The following PIK3R3 variants were observed in gnomAD, a reference collection of about 807,000 sequenced individuals.
The protein encoded by PIK3R3 is phosphoinositide-3-kinase regulatory subunit 3.
A neutral mutation model predicts 62.9 loss-of-function variants in PIK3R3; 64 were observed. The ratio of observed to expected loss-of-function variants is 1.02; its 90% CI spans 0.83 to 1.25. The LOEUF is 1.25. PIK3R3 is among the 50% of genes most tolerant of loss of function. The pLI is 0.00. For synonymous variants in PIK3R3, 165 were observed against 189.0 expected, an observed-to-expected ratio of 0.87 and a Z score of 1.04; for missense variants, 614 against 561.6, an observed-to-expected ratio of 1.09 and a Z score of -0.94.
intron 1 of PIK3R3, among the ~76,000 whole-genome samples, chr1:46,100,380 G>A (rs931288085): frequency 6.6e-6 from 1 of 151,998 alleles, no homozygotes; most frequent in African/African-American, 2.4e-5. Flanking sequence ...ATCATTTACT[G>A]TTTAGTCAGT....
At chr1:46,092,965 A>G (rs1023689286) in intron 1 of PIK3R3, among the ~76,000 whole-genome samples, 3 of 152,148 alleles carry the variant, frequency 2.0e-5, no homozygotes, top group African/African-American at 7.2e-5. Flanking sequence ...AAAAAGTTAC[A>G]TCATCTTCAA....
chr1:46,075,345 G>A (rs1268399254), intron 3 of PIK3R3, among the ~76,000 whole-genome samples: 2 of 152,236 alleles, frequency 1.3e-5, no homozygotes, highest in Non-Finnish European at 2.9e-5. Flanking sequence ...GCTGGGCACA[G>A]TGGCTCACGC....
At chr1:46,132,831 A>G (rs371822200), upstream of PIK3R3, 3 of 1,215,332 alleles carry the variant, frequency 2.5e-6, no homozygotes, top group East Asian at 1.2e-4. Flanking sequence ...GCTGCTCTCC[A>G]TCTCGACTTT....
chr1:46,055,602 G>A (rs754278449), intron 7 of PIK3R3, among the ~76,000 whole-genome samples, 193 bp downstream of exon 7: 7 of 152,194 alleles, frequency 4.6e-5, no homozygotes, highest in African/African-American at 9.7e-5. Flanking sequence ...ATTCTGGTTT[G>A]CTCCACATAT....
At chr1:46,114,887 T>C (rs1297715421) in intron 1 of PIK3R3, among the ~76,000 whole-genome samples, 1 of 151,260 alleles carries the variant, frequency 6.6e-6, no homozygotes, top group African/African-American at 2.4e-5. Context: ...AGTGCTGGGA[T>C]TACAGGCATG....
At chr1:46,132,865 G>C, upstream of PIK3R3, 1 of 1,195,970 alleles carries the variant, frequency 8.4e-7, no homozygotes, top group Non-Finnish European at 1.1e-6. Context: ...CGCTCTCTAG[G>C]CTTCGGCTCC....
intron 1 of PIK3R3, among the ~76,000 whole-genome samples, chr1:46,095,071 G>A (rs775282860): frequency 6.6e-6 from 1 of 152,074 alleles, no homozygotes; most frequent in Non-Finnish European, 1.5e-5. Flanking sequence ...CTAGAGTGTG[G>A]CGATTCCTCA....
the PIK3R3 span, among the ~76,000 whole-genome samples, chr1:46,148,743 G>GGAGAGAGAGA: frequency 1.4e-5 from 2 of 143,460 alleles, no homozygotes; most frequent in Non-Finnish European, 1.5e-5. Flanking sequence ...CCAAGATTTT[G>GGAGAGAGAGA]GAGAGAGAGA....
the PIK3R3 span, among the ~76,000 whole-genome samples, chr1:46,168,824 G>A: frequency 6.6e-6 from 1 of 152,104 alleles, no homozygotes; most frequent in Non-Finnish European, 1.5e-5. Flanking sequence ...CCCAGAAAGT[G>A]AAGAAGCCCC....
Position 46,044,454 on chromosome 1 carries a change from G to C in PIK3R3, c.1188-583C>G, listed in dbSNP as rs1647059172. Among the ~76,000 whole-genome samples, 1 of 152,140 alleles carries C rather than the reference G, an allele frequency of 6.6e-6. No individual in the cohort carries two copies. ...TACAGGCTGCCACCCAATAACCTGAGTGACAGTGAGCGACTGGGCTTACTG... is the reference window on the plus strand; with the variant it reads ...TACAGGCTGCCACCCAATAACCTGACTGACAGTGAGCGACTGGGCTTACTG... On this transcript the variant is annotated intron_variant, in intron 9 of 9. Coordinates refer to ENST00000262741, the MANE Select transcript of PIK3R3 (RefSeq NM_003629.4). This position sits in a 1 kb window ranked among gnomAD's most constrained non-coding sequence, Gnocchi z 4.2.
upstream of PIK3R3, among the ~76,000 whole-genome samples, chr1:46,135,471 G>A (rs903037991): frequency 1.3e-5 from 2 of 152,172 alleles, no homozygotes; most frequent in African/African-American, 4.8e-5. Flanking sequence ...TGCCACTTAA[G>A]TATTTAGGAT....
At chr1:46,172,514 C>A in the PIK3R3 span, among the ~76,000 whole-genome samples, 3 of 152,076 alleles carry the variant, frequency 2.0e-5, no homozygotes, top group Admixed American at 2.0e-4. Context: ...GCTGGGAGAA[C>A]CTGTTTCTAC....
At chr1:46,159,948 T>C in the PIK3R3 span, among the ~76,000 whole-genome samples, 2 of 152,160 alleles carry the variant, frequency 1.3e-5, no homozygotes, top group Non-Finnish European at 2.9e-5. Flanking sequence ...TCTTCCTGAC[T>C]CCCAGATTCT....
chr1:46,125,283 C>T (rs974412861), intron 1 of PIK3R3, among the ~76,000 whole-genome samples: 8 of 151,708 alleles, frequency 5.3e-5, no homozygotes, highest in African/African-American at 1.9e-4. Flanking sequence ...AATAAGAAGA[C>T]AAAAAAACTG....
chr1:46,067,146 T>C, intron 3 of PIK3R3, 55 bp from the exon 4 acceptor site: 2 of 1,336,286 alleles, frequency 1.5e-6, no homozygotes. Flanking sequence ...TCAACTGAAC[T>C]ACTGCTTTCA....
rs186589914 is a variant in PIK3R3 at position 46,057,929 on chromosome 1, A to G, written c.765-1958T>C. Reference sequence around the variant, plus strand: ...AACAAAAAGCCAAAAGTTAATCCCCAAGACAATGGGGGAAATGTCTTCAGG... The same window carrying G: ...AACAAAAAGCCAAAAGTTAATCCCCGAGACAATGGGGGAAATGTCTTCAGG... On this transcript the variant is annotated intron_variant, in intron 6 of 9. Coordinates refer to ENST00000262741, the MANE Select transcript of PIK3R3 (RefSeq NM_003629.4). Among the ~76,000 whole-genome samples, 231 of 152,350 alleles carry G rather than the reference A, an allele frequency of 1.5e-3. 1 individual carries two copies. The highest frequency in any genetic ancestry group is 1.9e-3 in the Non-Finnish European group (127 of 68,040).
At chr1:46,046,136 A>G (rs771321173) in intron 8 of PIK3R3, 48 bp from the exon 9 acceptor site, 53 of 1,120,436 alleles carry the variant, frequency 4.7e-5, no homozygotes, top group Non-Finnish European at 6.7e-5. Context: ...ACTTCTATCT[A>G]AAAGCAAATT....
Position 46,092,354 on chromosome 1 carries a change from C to CTGTTT in PIK3R3, c.107-11609_107-11605dup, listed in dbSNP as rs556939504. Among the ~76,000 whole-genome samples the CTGTTT allele has an allele frequency of 7.3e-3, 1,106 of 152,124 alleles. 7 individuals carry two copies. Among genetic ancestry groups the CTGTTT allele is most frequent in the Non-Finnish European group, 9.6e-3 (650 of 67,950 alleles). On this transcript the variant is annotated intron_variant, in intron 1 of 9. Coordinates refer to ENST00000262741, the MANE Select transcript of PIK3R3 (RefSeq NM_003629.4). ...ACCTCACAAACGTACTCCTTGACTT[C>CTGTTT]TGTTTTGTTTTGTTTTGTTTTGTTT...
Position 46,044,080 on chromosome 1 carries a change from CT to C in PIK3R3, c.1188-210del, listed in dbSNP as rs11316852. Among the ~76,000 whole-genome samples, 67,097 of 145,148 alleles carry C rather than the reference CT, an allele frequency of 0.46. 15,115 individuals carry two copies. Among genetic ancestry groups the C allele is most frequent in the East Asian group, 0.61 (3,072 of 4,996 alleles). Reference sequence around the variant, plus strand: ...CACAAATGTAAGGGTTTATTTATTTCTTTTTTTTTTTTTTAGACAGGGTCTC... The same window carrying C: ...CACAAATGTAAGGGTTTATTTATTTCTTTTTTTTTTTTTAGACAGGGTCTC... On this transcript the variant is annotated intron_variant, in intron 9 of 9. Coordinates refer to ENST00000262741, the MANE Select transcript of PIK3R3 (RefSeq NM_003629.4). This position sits in a 1 kb window ranked among gnomAD's most constrained non-coding sequence, Gnocchi z 4.2.
Sources: allele counts gnomAD v4.1 joint callset (sites outside exome capture counted in the v4.1 genomes callset), GRCh38; gene constraint gnomAD v4.1.1; non-coding constraint Gnocchi (gnomAD v3.1); transcripts MANE v1.5; gene names NCBI Gene and HGNC (gene_info 2026-07-23, HGNC 2026-07-21).